HAUS5: variants seen among roughly 807,000 people sequenced by gnomAD.
HAUS5 encodes the protein HAUS augmin-like complex subunit 5.
In HAUS5, 67 loss-of-function variants were observed where a neutral mutation model predicts 94.1. The observed-to-expected ratio is 0.71, with a 90% CI of 0.58 to 0.87. HAUS5 has a LOEUF of 0.87. Among genes scored for constraint, HAUS5 ranks in the 40% least tolerant of loss-of-function variants. The pLI is 0.00. For missense variants in HAUS5, 739 were observed against 825.6 expected (o/e 0.90, Z 1.29); for synonymous variants, 339 against 355.4 (o/e 0.95, Z 0.52).
At position 35,615,034 on chromosome 19, in the gene HAUS5, C is replaced by A. The variant is rs1032657684; in HGVS notation, c.220-8C>A. 1.3e-6 allele frequency: 2 copies of A among 1,574,588 alleles called. No individual in the cohort carries two copies. Among genetic ancestry groups the A allele is most frequent in the Non-Finnish European group, 1.7e-6 (2 of 1,159,224 alleles). On this transcript the variant is annotated splice_region_variant and splice_polypyrimidine_tract_variant and intron_variant, in intron 4 of 18. Transcript: ENST00000203166. ...CAGACCATCTGACCCTGAATCTGAT[C>A]CTCCCAGGTCCGTCGGAAGTTAGAG...
chr19:35,620,134 G>A lies in HAUS5; in HGVS notation c.1518+11G>A, dbSNP rs112226142. On this transcript the variant is annotated intron_variant, in intron 16 of 18. Coordinates refer to ENST00000203166, the MANE Select transcript of HAUS5 (RefSeq NM_015302.2). Reference sequence around the variant, plus strand: ...CTGCCTCCAGGGAAGGTGAGTGCCCGTCTCCTGTGACTTGTCTCCCCAGCC... The same window carrying A: ...CTGCCTCCAGGGAAGGTGAGTGCCCATCTCCTGTGACTTGTCTCCCCAGCC... 193 of 1,613,018 alleles carry A rather than the reference G, an allele frequency of 1.2e-4. No homozygotes were observed. In the African/African-American group the frequency reaches 1.7e-3, roughly 15 times the overall value.
intron 3 of HAUS5, 47 bp from the exon 4 acceptor site, chr19:35,613,988 C>T (rs45510191): frequency 0.059 from 94,916 of 1,610,990 alleles, 3,288 homozygotes; most frequent in Admixed American, 0.086. Flanking sequence ...ATTGCCCTCC[C>T]CCCTAGAAGC....
rs1169026761 is a variant in HAUS5, at chr19:35,618,087, AC to A, written c.719del (p.Pro240GlnfsTer73). On this transcript the variant is annotated frameshift_variant, in exon 10 of 19. Transcript: ENST00000203166. LOFTEE classifies it high-confidence loss of function. Reference protein sequence around the residue: ...LSSVETLLTNHPPGHVLAALE... With the variant: ...LSSVETLLTNXPPGHVLAALE... ...TCCCCCTAGACGCTGCTGACAAACC[AC>A]CCCCCAGGCCACGTCCTGGCTGCCT... 2.5e-6 allele frequency: 4 copies of A among 1,590,908 alleles called. No individual in the cohort carries two copies. Among genetic ancestry groups the A allele is most frequent in the Non-Finnish European group, 3.4e-6 (4 of 1,166,834 alleles).
rs1967169116 is a variant in HAUS5, at chr19:35,619,557, G to A, written c.1260+53G>A. The stretch of plus-strand genomic sequence containing the variant: ...GGTAGGGCTGGATCTGCCAGGATGG[G>A]GCTGGGTGGACTTGTGATGTTGTGA... On this transcript the variant is annotated intron_variant, in intron 14 of 18. Transcript: ENST00000203166. 2.5e-6 allele frequency: 4 copies of A among 1,603,544 alleles called. No homozygotes were observed. The South Asian group carries it at 3.3e-5, about 13-fold the overall frequency.
chr19:35,618,157 G>T lies in HAUS5; in HGVS notation c.783G>T (p.Leu261=), dbSNP rs1599596342. Residue 261 remains leucine, a synonymous_variant, in exon 10 of 19, where the codon CTG becomes CTT. Coordinates refer to ENST00000203166, the MANE Select transcript of HAUS5 (RefSeq NM_015302.2). Reference sequence around the variant, plus strand: ...AGCGGGAGGCAGAGATTCGGTCCCTGTGCAGTGGGGATGGGCTTGGCGACA... The same window carrying T: ...AGCGGGAGGCAGAGATTCGGTCCCTTTGCAGTGGGGATGGGCTTGGCGACA... ...AAEREAEIRS[L]CSGDGLGDTE... 1 of 1,609,054 alleles carries T rather than the reference G, an allele frequency of 6.2e-7. No homozygotes were observed. The highest frequency in any genetic ancestry group is 8.5e-7 in the Non-Finnish European group (1 of 1,176,466).
Position 35,618,391 on chromosome 19 carries a change from C to T in HAUS5, c.822-11C>T, listed in dbSNP as rs1444580492. 2 of 1,611,048 alleles carry T rather than the reference C, an allele frequency of 1.2e-6. No individual in the cohort carries two copies. The highest frequency in any genetic ancestry group is 1.7e-5 in the Admixed American group (1 of 59,938). ...AGCACGGCTCCCTCAGCAGCTCTTC[C>T]CCCACCCCAGACCCCAGGCCCCGGA... On this transcript the variant is annotated splice_polypyrimidine_tract_variant and intron_variant, in intron 10 of 18. Transcript: ENST00000203166.
At position 35,622,629 on chromosome 19, in the gene HAUS5, A is replaced by C; in HGVS notation, c.1680A>C (p.Glu560Asp). The C allele has an allele frequency of 6.2e-7, 1 of 1,613,998 alleles. No individual in the cohort carries two copies. The highest frequency in any genetic ancestry group is 2.2e-5 in the East Asian group (1 of 44,834). ...QELLQIQASQEKQQKENLGQA... is the reference protein window; with the variant it reads ...QELLQIQASQDKQQKENLGQA... ...TGCTGCAGATCCAGGCATCCCAGGA[A>C]AAACAGCAGAAAGAGAACCTGGGGC... The change falls in exon 18 of 19, where the codon GAA becomes GAC. Residue 560 changes from glutamate (E) to aspartate (D), a missense_variant. Coordinates refer to ENST00000203166, the MANE Select transcript of HAUS5 (RefSeq NM_015302.2).
intron 4 of HAUS5, 148 bp downstream of exon 4, chr19:35,614,207 G>T: frequency 1.4e-6 from 1 of 737,054 alleles, no homozygotes; most frequent in Non-Finnish European, 2.4e-6. Context: ...TTAAAGTCCA[G>T]TGGAAACAGC....
At position 35,612,805 on chromosome 19, in the gene HAUS5, CGCA is replaced by C; in HGVS notation, c.13_15del (p.Gln5del). Reference sequence around the variant, plus strand: ...CGCCGCGGCGCTGTCATGGAGCTAGCGCAGGAAGCGCGGGAACTGGGTTGCTGG... The same window carrying C: ...CGCCGCGGCGCTGTCATGGAGCTAGCGGAAGCGCGGGAACTGGGTTGCTGG... On this transcript the variant is annotated inframe_deletion, in exon 1 of 19. Coordinates refer to ENST00000203166, the MANE Select transcript of HAUS5 (RefSeq NM_015302.2). 9.1e-6 allele frequency: 14 copies of C among 1,546,828 alleles called. No individual in the cohort carries two copies. The highest frequency in any genetic ancestry group is 1.2e-5 in the Non-Finnish European group (14 of 1,145,570).
chr19:35,614,033 A>G lies in HAUS5; in HGVS notation c.195-2A>G. Reference sequence around the variant, plus strand: ...CCGCTGACTCTGGCCTCGTTTTCCTAGGTATGGCCACCAGGACAGTCCACA... The same window carrying G: ...CCGCTGACTCTGGCCTCGTTTTCCTGGGTATGGCCACCAGGACAGTCCACA... On this transcript the variant is annotated splice_acceptor_variant, in intron 3 of 18. Coordinates refer to ENST00000203166, the MANE Select transcript of HAUS5 (RefSeq NM_015302.2). LOFTEE classifies it high-confidence loss of function. 6.2e-7 allele frequency: 1 copy of G among 1,613,650 alleles called. No homozygotes were observed. Among genetic ancestry groups the G allele is most frequent in the Non-Finnish European group, 8.5e-7 (1 of 1,179,760 alleles).
chr19:35,619,826 T>G, intron 15 of HAUS5, 68 bp downstream of exon 15: 1 of 1,495,654 alleles, frequency 6.7e-7, no homozygotes, highest in Non-Finnish European at 8.9e-7. Flanking sequence ...TCCCTGAACC[T>G]CCTCAAAAAA....
intron 16 of HAUS5, 30 bp downstream of exon 16, chr19:35,620,153 C>T: frequency 6.2e-7 from 1 of 1,611,186 alleles, no homozygotes; most frequent in South Asian, 1.1e-5. Context: ...GACTTGTCTC[C>T]CCAGCCCCGC....
intron 14 of HAUS5, 21 bp from the exon 15 acceptor site, chr19:35,619,592 C>CCCCCCCCCCCA: frequency 6.6e-7 from 1 of 1,524,170 alleles, no homozygotes; most frequent in Non-Finnish European, 9.0e-7. Context: ...ATGCCCCACC[C>CCCCCCCCCCCA]ACCCCTCCCC....
At chr19:35,613,022 C>T (rs2071909251) in intron 1 of HAUS5, 130 bp downstream of exon 1, 2 of 669,320 alleles carry the variant, frequency 3.0e-6, no homozygotes, top group Middle Eastern at 2.5e-4. Context: ...TTACTGAGGG[C>T]TCCCTACCCT....
At chr19:35,614,887 G>C (rs2071927277) in intron 4 of HAUS5, among the ~76,000 whole-genome samples, 155 bp from the exon 5 acceptor site, 1 of 152,172 alleles carries the variant, frequency 6.6e-6, no homozygotes, top group African/African-American at 2.4e-5. Context: ...CTAGGAGGAA[G>C]GAGGGAGGGA....
In HAUS5 at chr19:35,613,852, T is replaced by A. The variant is rs1315763353; in HGVS notation, c.162-16T>A. The A allele has an allele frequency of 1.2e-6, 2 of 1,614,132 alleles. No individual in the cohort carries two copies. Among genetic ancestry groups the A allele is most frequent in the Non-Finnish European group, 1.7e-6 (2 of 1,179,988 alleles). On this transcript the variant is annotated splice_polypyrimidine_tract_variant and intron_variant, in intron 2 of 18. Transcript: ENST00000203166. ...TGAGGCCCATAGTAACTCCTCTTTC[T>A]GCCTCTGCACTGTAGGACTGTCAAG...
rs1281031044 is a variant in HAUS5, at chr19:35,623,334, A to T, written c.*341A>T. 4.1e-6 allele frequency: 1 copy of T among 245,604 alleles called. No homozygotes were observed. The highest frequency in any genetic ancestry group is 5.0e-5 in the Admixed American group (1 of 19,806). 15.2% of individuals were successfully genotyped at this position (245,604 alleles called of 1,614,324 possible). The stretch of plus-strand genomic sequence containing the variant: ...AGGGCAGGGAGACAGAGTTTACAAG[A>T]TAAGGAAAATATATATGTAGTATGC... On this transcript the variant is annotated 3_prime_UTR_variant, in exon 19 of 19. Transcript: ENST00000203166.
rs1202170943 is a variant in HAUS5, at chr19:35,615,279, TCTC to T, written c.386_388del (p.Leu129del). The T allele has an allele frequency of 1.9e-6, 3 of 1,613,802 alleles. No individual in the cohort carries two copies. The highest frequency in any genetic ancestry group is 2.2e-5 in the East Asian group (1 of 44,866). ...ACACTCAAGACACCCAGCGTCGAGC[TCTC>T]CTCCTCCGGGCCCAAGCTGGGGCCA... On this transcript the variant is annotated inframe_deletion, in exon 6 of 19. Transcript: ENST00000203166.
rs1280313586 is a variant in HAUS5 at position 35,623,848 on chromosome 19, A to G, written c.*855A>G. ...AGAGCAGCGGCGGTGACGCAGGTGT[A>G]GAGATTTGTCAGAGCTCATGTAGTT... On this transcript the variant is annotated 3_prime_UTR_variant, in exon 19 of 19. Coordinates refer to ENST00000203166, the MANE Select transcript of HAUS5 (RefSeq NM_015302.2). 1.3e-5 allele frequency: 2 copies of G among 152,210 alleles called. No individual in the cohort carries two copies. Among genetic ancestry groups the G allele is most frequent in the Non-Finnish European group, 2.9e-5 (2 of 68,038 alleles). The allele number at this position is 152,210 out of a possible 1,614,324, so 9.4% of individuals were successfully genotyped here. A position where few individuals can be genotyped will look rare whatever the true frequency, so the allele number is the denominator to read the frequency against.
Sources: gnomAD v4.1 joint callset for allele counts (sites outside exome capture counted in the v4.1 genomes callset) on GRCh38, gnomAD v4.1.1 for gene constraint, MANE v1.5 for transcripts, NCBI Gene and HGNC (gene_info 2026-07-23, HGNC 2026-07-21) for gene names.